Variants in PRLR observed in about 807,000 individuals in gnomAD.
PRLR encodes hPRL receptor.
In PRLR, 13 loss-of-function variants were observed where a neutral mutation model predicts 40.2. The ratio of observed to expected loss-of-function variants is 0.32; its 90% confidence interval spans 0.21 to 0.51. The LOEUF is 0.51. Ranked by LOEUF, PRLR falls within the 20% of genes least tolerant of loss-of-function variation. The pLI is 0.97. For missense variants in PRLR, 656 were observed against 747.3 expected, an observed-to-expected ratio of 0.88 and a Z score of 1.42; for synonymous variants, 269 against 278.7, an observed-to-expected ratio of 0.97 and a Z score of 0.35.
intron 1 of PRLR, among the ~76,000 whole-genome samples, chr5:35,187,173 C>T (rs542230203): frequency 3.3e-5 from 5 of 152,116 alleles, no homozygotes; most frequent in African/African-American, 9.6e-5. Flanking sequence ...GGTTGAGGCA[C>T]GTGGACCACT....
chr5:35,177,704 A>C (rs1775186838), intron 1 of PRLR, among the ~76,000 whole-genome samples: 1 of 152,276 alleles, frequency 6.6e-6, no homozygotes, highest in South Asian at 2.1e-4. Context: ...TTATCTATTT[A>C]TCCATTGATG....
chr5:35,120,961 T>C (rs1371646007), intron 1 of PRLR, among the ~76,000 whole-genome samples: 1 of 152,218 alleles, frequency 6.6e-6, no homozygotes, highest in Admixed American at 6.5e-5. Context: ...CTTGGCTGTG[T>C]TCCAATAAAA....
chr5:35,080,523 A>G (rs1268484285), intron 5 of PRLR, among the ~76,000 whole-genome samples: 1 of 152,218 alleles, frequency 6.6e-6, no homozygotes, highest in African/African-American at 2.4e-5. Context: ...AATGGTGATC[A>G]TTAAAAAGTC....
At chr5:35,099,424 AG>A (rs1249812062) in intron 2 of PRLR, among the ~76,000 whole-genome samples, 2 of 152,250 alleles carry the variant, frequency 1.3e-5, no homozygotes, top group Non-Finnish European at 2.9e-5. Flanking sequence ...GTCGTATAAA[AG>A]TAGAGCGCAT....
chr5:35,123,842 A>G (rs1046863360), intron 1 of PRLR, among the ~76,000 whole-genome samples: 3 of 152,180 alleles, frequency 2.0e-5, no homozygotes, highest in Non-Finnish European at 4.4e-5. Flanking sequence ...CAGGGAAATC[A>G]TAGTATTTAT....
chr5:35,053,741 G>T (rs1768587665), downstream of PRLR, among the ~76,000 whole-genome samples: 1 of 152,166 alleles, frequency 6.6e-6, no homozygotes, highest in South Asian at 2.1e-4. Context: ...TGTAACTTCT[G>T]GCATTAAAAC....
At chr5:35,051,974 A>G (rs1768511737), downstream of PRLR, among the ~76,000 whole-genome samples, 1 of 152,240 alleles carries the variant, frequency 6.6e-6, no homozygotes, top group Non-Finnish European at 1.5e-5. Context: ...GATTGTATGT[A>G]ACAATGAAAA....
At chr5:35,219,539 T>C (rs928991852) in intron 1 of PRLR, among the ~76,000 whole-genome samples, 3 of 152,174 alleles carry the variant, frequency 2.0e-5, no homozygotes, top group African/African-American at 7.2e-5. Context: ...GAGAAACTGA[T>C]CAACTGTAGA....
intron 1 of PRLR, among the ~76,000 whole-genome samples, chr5:35,138,364 A>G (rs1466445402): frequency 6.6e-6 from 1 of 152,246 alleles, no homozygotes; most frequent in Non-Finnish European, 1.5e-5. Flanking sequence ...TGTGTATTTT[A>G]CCACAATTAA....
At chr5:35,221,387 T>C (rs1776415406) in intron 1 of PRLR, among the ~76,000 whole-genome samples, 1 of 152,210 alleles carries the variant, frequency 6.6e-6, no homozygotes, top group African/African-American at 2.4e-5. Flanking sequence ...ACAGAAAATT[T>C]TAGTGATGAG....
intron 1 of PRLR, among the ~76,000 whole-genome samples, chr5:35,176,951 A>G (rs1011410093): frequency 1.7e-4 from 26 of 152,360 alleles, no homozygotes; most frequent in African/African-American, 4.6e-4. Context: ...CTACTGAGAT[A>G]GGGAAAAACT....
At chr5:35,066,912 C>T (rs888416365) in intron 9 of PRLR, among the ~76,000 whole-genome samples, 2 of 151,988 alleles carry the variant, frequency 1.3e-5, no homozygotes, top group Admixed American at 6.6e-5. Flanking sequence ...AACAGGCGCC[C>T]ACCACCACGC....
chr5:35,143,971 G>A (rs540284707), intron 1 of PRLR, among the ~76,000 whole-genome samples: 5 of 151,498 alleles, frequency 3.3e-5, no homozygotes, highest in Non-Finnish European at 5.9e-5. Flanking sequence ...CAGCTCATCC[G>A]TTTACTCACT....
rs189137284 is a variant in PRLR at position 35,077,346 on chromosome 5, G to C, written c.374-4602C>G. On this transcript the variant is annotated intron_variant, in intron 5 of 9. Coordinates refer to ENST00000618457, the MANE Select transcript of PRLR (RefSeq NM_000949.7). ...CATAGGCTCAAAATAAAGGAATGGA[G>C]GAAGATCTACCAAGCAAATGGAAAA... Among the ~76,000 whole-genome samples, 289 of 152,238 alleles carry C rather than the reference G, an allele frequency of 1.9e-3. 2 individuals are homozygous for C. The highest frequency in any genetic ancestry group is 6.7e-3 in the African/African-American group (278 of 41,528).
chr5:35,104,194 T>C (rs1772076203), intron 2 of PRLR, among the ~76,000 whole-genome samples: 2 of 152,150 alleles, frequency 1.3e-5, no homozygotes, highest in South Asian at 4.1e-4. Flanking sequence ...TCACCCTCCG[T>C]CCACATGTAG....
intron 1 of PRLR, among the ~76,000 whole-genome samples, chr5:35,178,586 TA>T (rs1355735058): frequency 1.3e-5 from 2 of 152,194 alleles, no homozygotes. Flanking sequence ...AGATGAAAAC[TA>T]GCAAAGTTTG....
chr5:35,109,296 T>C (rs1244321520), intron 2 of PRLR, among the ~76,000 whole-genome samples: 2 of 152,216 alleles, frequency 1.3e-5, no homozygotes, highest in East Asian at 3.9e-4. Flanking sequence ...CCATTCAGGA[T>C]ATAGGCATGG....
intron 2 of PRLR, among the ~76,000 whole-genome samples, chr5:35,115,500 A>G (rs1392567888): frequency 6.6e-6 from 1 of 152,278 alleles, no homozygotes; most frequent in East Asian, 1.9e-4. Flanking sequence ...GCTTTAAATG[A>G]ACTTCAAAAC....
Position 35,204,392 on chromosome 5 carries a change from TG to T in PRLR, c.-106+25875del, listed in dbSNP as rs374697118. Among the ~76,000 whole-genome samples the T allele has an allele frequency of 4.0e-3, 607 of 152,220 alleles. 7 individuals carry two copies. Among genetic ancestry groups the T allele is most frequent in the African/African-American group, 0.014 (580 of 41,538 alleles). On this transcript the variant is annotated intron_variant, in intron 1 of 9. Coordinates refer to ENST00000618457, the MANE Select transcript of PRLR (RefSeq NM_000949.7). The stretch of plus-strand genomic sequence containing the variant: ...TTGCATCTTATGATGAGGATGGGGA[TG>T]GGCCGCTTTCCTAAGGGAGCAGGGC...
Sources: gnomAD v4.1 joint callset for allele counts (sites outside exome capture counted in the v4.1 genomes callset) on GRCh38, gnomAD v4.1.1 for gene constraint, MANE v1.5 for transcripts, NCBI Gene and HGNC (gene_info 2026-07-23, HGNC 2026-07-21) for gene names.